The following CCSER1 variants were observed in gnomAD, a reference collection of about 807,000 sequenced individuals.
CCSER1 encodes serine-rich coiled-coil domain-containing protein 1.
Under a neutral mutation model 82.0 loss-of-function variants are expected in CCSER1, and 41 were observed. The ratio of observed to expected loss-of-function variants is 0.50; its 90% CI spans 0.39 to 0.65. The LOEUF is 0.65. Among genes scored for constraint, CCSER1 ranks in the 30% least tolerant of loss-of-function variants. The probability of loss-of-function intolerance (pLI) is 0.00; values close to 1 mark genes in which losing one functional copy is unlikely to be tolerated. For synonymous variants in CCSER1, 414 were observed against 383.9 expected, an observed-to-expected ratio of 1.08 and a Z score of -0.92; for missense variants, 1,119 against 1,064.2, an observed-to-expected ratio of 1.05 and a Z score of -0.72.
intron 10 of CCSER1, among the ~76,000 whole-genome samples, chr4:91,176,030 C>G (rs1733302627): frequency 6.6e-6 from 1 of 152,180 alleles, no homozygotes; most frequent in Admixed American, 6.5e-5. Context: ...CCAGTTTCAG[C>G]TTTCTACATA....
chr4:91,148,893 A>G (rs1315430099), intron 10 of CCSER1, among the ~76,000 whole-genome samples: 1 of 152,220 alleles, frequency 6.6e-6, no homozygotes, highest in African/African-American at 2.4e-5. Flanking sequence ...ATTGATGGAC[A>G]TTTGGGTTGG....
At chr4:90,635,470 G>A (rs1725259852) in intron 6 of CCSER1, among the ~76,000 whole-genome samples, 1 of 151,488 alleles carries the variant, frequency 6.6e-6, no homozygotes, top group Admixed American at 6.6e-5. Flanking sequence ...ACCCACAGAC[G>A]AATTTAGAAA....
At chr4:91,591,588 C>T (rs991207388) in intron 10 of CCSER1, among the ~76,000 whole-genome samples, 11 of 152,070 alleles carry the variant, frequency 7.2e-5, no homozygotes, top group Non-Finnish European at 1.5e-5. Flanking sequence ...GAATATCTTG[C>T]TACTACTACT....
intron 10 of CCSER1, among the ~76,000 whole-genome samples, chr4:91,394,781 A>G (rs965702771): frequency 9.2e-5 from 14 of 152,056 alleles, no homozygotes; most frequent in Admixed American, 2.6e-4. Flanking sequence ...AACATATAAC[A>G]AAAAACCTTC....
At chr4:91,317,041 T>C (rs1745884023) in intron 10 of CCSER1, among the ~76,000 whole-genome samples, 1 of 152,012 alleles carries the variant, frequency 6.6e-6, no homozygotes, top group Admixed American at 6.6e-5. Flanking sequence ...AAAGAGTAGA[T>C]TTTAAATGTT....
intron 1 of CCSER1, among the ~76,000 whole-genome samples, chr4:90,172,959 A>G (rs2153379344): frequency 6.6e-6 from 1 of 151,786 alleles, no homozygotes; most frequent in South Asian, 2.1e-4. Context: ...AATTTTATGG[A>G]GTTTTAGATT....
rs147365472 is a variant in CCSER1, at chr4:90,939,080, T to G, written c.2172+15633T>G. Among the ~76,000 whole-genome samples the G allele has an allele frequency of 5.9e-5, 9 of 152,280 alleles. 1 individual carries two copies. Among genetic ancestry groups the G allele is most frequent in the African/African-American group, 2.2e-4 (9 of 41,586 alleles). On this transcript the variant is annotated intron_variant, in intron 9 of 10. Coordinates refer to ENST00000509176, the MANE Select transcript of CCSER1 (RefSeq NM_001145065.2). ...TCCATGTCATTGGTCTCCCTTGTTA[T>G]AGTCTTAATTTAATTTCATCACATA...
chr4:90,566,813 A>G (rs951127584), intron 5 of CCSER1, among the ~76,000 whole-genome samples: 4 of 151,950 alleles, frequency 2.6e-5, no homozygotes, highest in African/African-American at 7.3e-5. Flanking sequence ...CGTGTTAGCC[A>G]GGATGTTCTC....
At chr4:90,238,605 A>T (rs1746245015) in intron 1 of CCSER1, among the ~76,000 whole-genome samples, 1 of 152,104 alleles carries the variant, frequency 6.6e-6, no homozygotes, top group Non-Finnish European at 1.5e-5. Context: ...TCCTGGTTGA[A>T]TGTGACTTTT....
At chr4:90,766,227 T>C (rs999329889) in intron 7 of CCSER1, among the ~76,000 whole-genome samples, 1 of 152,164 alleles carries the variant, frequency 6.6e-6, no homozygotes, top group Admixed American at 6.6e-5. Flanking sequence ...TGAGTCTTCC[T>C]AGTGCAGATG....
chr4:90,300,870 G>A (rs1161411406), intron 1 of CCSER1, among the ~76,000 whole-genome samples: 1 of 152,158 alleles, frequency 6.6e-6, no homozygotes, highest in Non-Finnish European at 1.5e-5. Context: ...CTGTCACCCA[G>A]GCTGGAGTGC....
intron 7 of CCSER1, among the ~76,000 whole-genome samples, chr4:90,804,854 G>T (rs1331502085): frequency 6.6e-6 from 1 of 152,162 alleles, no homozygotes; most frequent in Non-Finnish European, 1.5e-5. Context: ...GTACAGGAAT[G>T]AAATCACTTG....
At chr4:91,516,880 G>A (rs763349205) in intron 10 of CCSER1, among the ~76,000 whole-genome samples, 15 of 151,932 alleles carry the variant, frequency 9.9e-5, no homozygotes, top group Non-Finnish European at 1.5e-4. Flanking sequence ...CTGATTTCTC[G>A]GAAGAGTATT....
Position 90,204,309 on chromosome 4 carries a change from G to T in CCSER1, c.-42+76478G>T, listed in dbSNP as rs939062026. On this transcript the variant is annotated intron_variant, in intron 1 of 10. Transcript: ENST00000509176. ...GGTATTGCCTAGGTTATCTTCTAGA[G>T]TTTTTATGATTTTTAGGTCTTACAT... Among the ~76,000 whole-genome samples the T allele has an allele frequency of 2.6e-5, 4 of 152,188 alleles. No homozygotes were observed. In the East Asian group the frequency reaches 7.7e-4, roughly 29 times the overall value.
Position 90,309,449 on chromosome 4 carries a change from A to C in CCSER1, c.1165A>C (p.Asn389His), listed in dbSNP as rs1278332896. ...AAATGGTGAAACAATGCTGGGGACA[A>C]ACTCCCCAAGGAAACTTGGATTTTA... The part of the protein sequence containing the change: ...LQNGETMLGT[N>H]SPRKLGFYEQ... Residue 389 changes from asparagine to histidine, a missense_variant, in exon 2 of 11, where the codon AAC (asparagine) becomes CAC (histidine). Transcript: ENST00000509176. The C allele has an allele frequency of 6.2e-7, 1 of 1,613,844 alleles. No homozygotes were observed. Among genetic ancestry groups the C allele is most frequent in the Non-Finnish European group, 8.5e-7 (1 of 1,179,760 alleles).
intron 10 of CCSER1, among the ~76,000 whole-genome samples, chr4:91,144,393 A>G (rs1729349570): frequency 1.3e-5 from 2 of 151,722 alleles, no homozygotes; most frequent in South Asian, 4.1e-4. Flanking sequence ...GACCTCATTT[A>G]TTCTTTCAAA....
At chr4:91,437,543 C>T (rs797015554) in intron 10 of CCSER1, among the ~76,000 whole-genome samples, 11 of 152,306 alleles carry the variant, frequency 7.2e-5, no homozygotes, top group East Asian at 1.9e-4. Context: ...CAGCTCCCAG[C>T]GTGAGCGATG....
chr4:91,254,941 C>T (rs1740563078), intron 10 of CCSER1, among the ~76,000 whole-genome samples: 1 of 152,062 alleles, frequency 6.6e-6, no homozygotes, highest in Non-Finnish European at 1.5e-5. Context: ...TCTCTGGCAA[C>T]CATCATTCTA....
intron 5 of CCSER1, among the ~76,000 whole-genome samples, chr4:90,507,084 CA>C (rs1415462541): frequency 2.0e-5 from 3 of 152,028 alleles, no homozygotes; most frequent in Non-Finnish European, 4.4e-5. Context: ...TTAAATGAAG[CA>C]TAAAGGAATG....
Sources: gnomAD v4.1 joint callset for allele counts (sites outside exome capture counted in the v4.1 genomes callset) on GRCh38, gnomAD v4.1.1 for gene constraint, MANE v1.5 for transcripts, NCBI Gene and HGNC (gene_info 2026-07-23, HGNC 2026-07-21) for gene names.